Variants in TBC1D1 observed in about 807,000 individuals in gnomAD.
The protein encoded by TBC1D1 is TBC1 domain family member 1, also known as TBC1 (tre-2/USP6, BUB2, cdc16) domain family, member 1.
Under a neutral mutation model 125.6 loss-of-function variants are expected in TBC1D1, and 89 were observed. The observed-to-expected ratio is 0.71, with a 90% confidence interval of 0.60 to 0.85. TBC1D1 has a LOEUF of 0.85. Ranked by LOEUF, TBC1D1 falls within the 40% of genes least tolerant of loss-of-function variation. The pLI, the probability that TBC1D1 is intolerant of heterozygous loss-of-function variation, is 0.00. For synonymous variants in TBC1D1, 565 were observed against 564.1 expected, an observed-to-expected ratio of 1.00 and a Z score of -0.02; for missense variants, 1,377 against 1,469.2, an observed-to-expected ratio of 0.94 and a Z score of 1.03.
In TBC1D1 at chr4:38,089,939, A is replaced by G. The variant is rs894671724; in HGVS notation, c.2058A>G (p.Ser686=). 4 of 1,577,896 alleles carry G rather than the reference A, an allele frequency of 2.5e-6. No individual in the cohort carries two copies. The African/African-American group carries it at 4.1e-5, about 16-fold the overall frequency. Reference sequence around the variant, plus strand: ...TGCCGTCTCCCTTTCCAGATTATTCAGAGCTGGGAGAGCTTCCCCCACGAT... The same window carrying G: ...TGCCGTCTCCCTTTCCAGATTATTCGGAGCTGGGAGAGCTTCCCCCACGAT... The change falls in exon 13 of 20, where the codon TCA becomes TCG. Residue 686 remains serine (S), a synonymous_variant. Transcript: ENST00000261439.
chr4:38,101,521 G>A (rs1479707277), intron 14 of TBC1D1, among the ~76,000 whole-genome samples: 1 of 152,202 alleles, frequency 6.6e-6, no homozygotes, highest in Admixed American at 6.5e-5. Flanking sequence ...TAATCACTGT[G>A]AGTATTCAAA....
chr4:37,960,954 T>G, intron 2 of TBC1D1: 1 of 1,614,146 alleles, frequency 6.2e-7, no homozygotes, highest in Non-Finnish European at 8.5e-7. Context: ...CTCTCCACCA[T>G]GGGAATGCAA....
chr4:38,103,236 G>A, intron 15 of TBC1D1, 79 bp downstream of exon 17: 14 of 1,438,534 alleles, frequency 9.7e-6, no homozygotes, highest in Non-Finnish European at 1.3e-5. Flanking sequence ...TCCAAGTTAT[G>A]TATTGACCTG....
At chr4:38,023,563 ATATT>A (rs939456224) in intron 6 of TBC1D1, among the ~76,000 whole-genome samples, 2 of 152,198 alleles carry the variant, frequency 1.3e-5, no homozygotes, top group African/African-American at 2.4e-5. Flanking sequence ...AAGTCATAAA[ATATT>A]TATCTTCTTG....
intron 7 of TBC1D1, among the ~76,000 whole-genome samples, chr4:38,033,859 A>G (rs901636474): frequency 6.6e-6 from 1 of 152,126 alleles, no homozygotes; most frequent in African/African-American, 2.4e-5. Flanking sequence ...ATGTCTCTTT[A>G]TGGCTTGATA....
intron 2 of TBC1D1, among the ~76,000 whole-genome samples, chr4:37,953,529 G>T (rs1728308544): frequency 6.6e-6 from 1 of 152,202 alleles, no homozygotes; most frequent in South Asian, 2.1e-4. Flanking sequence ...AATTAAGCTT[G>T]AGGTATTTTA....
intron 16 of TBC1D1, 143 bp from the exon 19 acceptor site, chr4:38,117,890 G>A (rs1349356606): frequency 1.3e-6 from 1 of 762,420 alleles, no homozygotes; most frequent in Admixed American, 2.3e-5. Flanking sequence ...TGAATTAGTA[G>A]CTGAGCTCAG....
At chr4:37,918,503 A>G (rs1411403154) in intron 2 of TBC1D1, among the ~76,000 whole-genome samples, 3 of 148,258 alleles carry the variant, frequency 2.0e-5, no homozygotes, top group South Asian at 2.1e-4. Context: ...GCTGGGGTGC[A>G]GTGGCACAAT....
At chr4:38,059,464 G>C (rs1384050614) in intron 12 of TBC1D1, among the ~76,000 whole-genome samples, 1 of 152,214 alleles carries the variant, frequency 6.6e-6, no homozygotes, top group African/African-American at 2.4e-5. Flanking sequence ...TCGTGAAATA[G>C]AATCCTGAAA....
chr4:37,905,415 C>G (rs1212448381), intron 2 of TBC1D1, among the ~76,000 whole-genome samples: 1 of 152,140 alleles, frequency 6.6e-6, no homozygotes, highest in Non-Finnish European at 1.5e-5. Flanking sequence ...AAAATTGGCG[C>G]TCTTTAAAGA....
intron 12 of TBC1D1, chr4:38,060,657 A>G: frequency 7.8e-7 from 1 of 1,288,872 alleles, no homozygotes; most frequent in South Asian, 1.2e-5. Context: ...CCTGTACTGA[A>G]GGTAAAGCAG....
intron 2 of TBC1D1, among the ~76,000 whole-genome samples, chr4:37,975,448 A>G (rs1045840822): frequency 6.6e-6 from 1 of 152,196 alleles, no homozygotes; most frequent in Non-Finnish European, 1.5e-5. Flanking sequence ...GGCAGGCCTG[A>G]CATCAGTCAG....
chr4:37,899,098 A>G (rs1715266151), intron 1 of TBC1D1, among the ~76,000 whole-genome samples: 1 of 152,152 alleles, frequency 6.6e-6, no homozygotes, highest in African/African-American at 2.4e-5. Flanking sequence ...TACTCCAGGA[A>G]ATATGCGATG....
chr4:38,120,461 C>A lies in TBC1D1; in HGVS notation c.2962+2269C>A, dbSNP rs540680305. Among the ~76,000 whole-genome samples, 7 of 152,338 alleles carry A rather than the reference C, an allele frequency of 4.6e-5. No homozygotes were observed. The East Asian group carries it at 1.3e-3, about 29-fold the overall frequency. ...GATAGCTTAGTTTTATATTTCAAAG[C>A]CTGCCATTCAGTCACTATAGTCTTT... On this transcript the variant is annotated intron_variant, in intron 17 of 19. Transcript: ENST00000261439.
chr4:37,897,876 G>A (rs1043455581), intron 1 of TBC1D1, among the ~76,000 whole-genome samples: 16 of 152,188 alleles, frequency 1.1e-4, no homozygotes, highest in African/African-American at 3.9e-4. Flanking sequence ...GAGAAAGAGA[G>A]ATCATTATTT....
At chr4:37,908,460 C>T (rs988898743) in intron 2 of TBC1D1, among the ~76,000 whole-genome samples, 2 of 152,200 alleles carry the variant, frequency 1.3e-5, no homozygotes, top group Non-Finnish European at 2.9e-5. Flanking sequence ...CCCGCTTCCA[C>T]CTCCCAAAAT....
intron 13 of TBC1D1, among the ~76,000 whole-genome samples, chr4:38,091,555 G>A (rs1758430504): frequency 1.3e-5 from 2 of 152,332 alleles, no homozygotes; most frequent in Middle Eastern, 3.4e-3. Context: ...GAGGAAAAAG[G>A]CAGTTATGTT....
chr4:38,108,363 A>T (rs1003710785), intron 15 of TBC1D1, among the ~76,000 whole-genome samples: 6 of 152,212 alleles, frequency 3.9e-5, no homozygotes, highest in Admixed American at 3.3e-4. Context: ...CCGAAAGAAC[A>T]CTTCAACAGG....
At chr4:37,894,380 A>T (rs1283495099) in intron 1 of TBC1D1, among the ~76,000 whole-genome samples, 1 of 152,188 alleles carries the variant, frequency 6.6e-6, no homozygotes, top group Non-Finnish European at 1.5e-5. Context: ...GTTTAGAAAA[A>T]GATGTGTCAT....
Sources: gnomAD v4.1 joint callset for allele counts (sites outside exome capture counted in the v4.1 genomes callset) on GRCh38, gnomAD v4.1.1 for gene constraint, MANE v1.5 for transcripts, NCBI Gene and HGNC (gene_info 2026-07-23, HGNC 2026-07-21) for gene names.